Variants in RNF150 observed in about 807,000 individuals in gnomAD.
RNF150 encodes ring finger protein 150.
In RNF150, 24 loss-of-function variants were observed where a neutral mutation model predicts 39.3. The ratio of observed to expected loss-of-function variants is 0.61; its 90% CI spans 0.44 to 0.86. RNF150 has a LOEUF of 0.86. RNF150 is among the 40% of genes least tolerant of loss of function. RNF150 has a pLI of 0.00. For synonymous variants in RNF150, 255 were observed against 227.3 expected, an observed-to-expected ratio of 1.12 and a Z score of -1.10; for missense variants, 502 against 587.8, an observed-to-expected ratio of 0.85 and a Z score of 1.51.
At chr4:141,028,273 C>T (rs1022185829) in intron 1 of RNF150, among the ~76,000 whole-genome samples, 2 of 152,100 alleles carry the variant, frequency 1.3e-5, no homozygotes, top group Non-Finnish European at 2.9e-5. Flanking sequence ...TAGTCAGAAT[C>T]CTAGGTGATT....
At chr4:141,167,986 C>T (rs1727631907) in intron 1 of RNF150, among the ~76,000 whole-genome samples, 1 of 151,974 alleles carries the variant, frequency 6.6e-6, no homozygotes, top group African/African-American at 2.4e-5. Flanking sequence ...TAAAAGAAAT[C>T]ATCATCAGAG....
At chr4:141,034,702 G>A (rs1184201932) in intron 1 of RNF150, among the ~76,000 whole-genome samples, 1 of 152,108 alleles carries the variant, frequency 6.6e-6, no homozygotes, top group Non-Finnish European at 1.5e-5. Flanking sequence ...TGGGTCTCAA[G>A]GAACAGGCAG....
At chr4:140,988,131 G>A (rs561586150) in intron 1 of RNF150, among the ~76,000 whole-genome samples, 1 of 152,242 alleles carries the variant, frequency 6.6e-6, no homozygotes, top group South Asian at 2.1e-4. Flanking sequence ...CAGAGAAAAG[G>A]GAATGCTAAT....
intron 1 of RNF150, among the ~76,000 whole-genome samples, chr4:140,997,675 A>ACTGCACTCCAGCC (rs570404786): frequency 0.17 from 11,189 of 67,270 alleles, 494 homozygotes; most frequent in Middle Eastern, 0.31. Flanking sequence ...AGATTGCGCC[A>ACTGCACTCCAGCC]CTGCACTCCA....
chr4:141,139,205 C>T (rs550941252), intron 1 of RNF150, among the ~76,000 whole-genome samples: 8 of 152,210 alleles, frequency 5.3e-5, no homozygotes, highest in South Asian at 2.1e-4. Context: ...GATGATACAG[C>T]GAGACCCTGT....
intron 1 of RNF150, among the ~76,000 whole-genome samples, chr4:141,117,684 T>G (rs1726472552): frequency 1.3e-5 from 2 of 152,208 alleles, no homozygotes; most frequent in Admixed American, 6.5e-5. Flanking sequence ...AGCTCTGGAT[T>G]AAAATCCCAG....
rs1416396549 is a variant in RNF150 at position 141,132,548 on chromosome 4, G to C, written c.261C>G (p.Arg87=). 24 of 1,595,614 alleles carry C rather than the reference G, an allele frequency of 1.5e-5. No individual in the cohort carries two copies. Among genetic ancestry groups the C allele is most frequent in the Non-Finnish European group, 2.0e-5 (23 of 1,171,988 alleles). Residue 87 remains arginine (R), a synonymous_variant, in exon 1 of 7, where the codon CGC becomes CGG. Transcript: ENST00000515673. The surrounding 1 kb of genome is among the most constrained non-coding windows in gnomAD (Gnocchi z 4.9). ...CCGAGCTGGCCATGACCACCTCCCC[G>C]CGGGCGTCCTGCTTGGGCGAGTGCT... ...YGEHSPKQDA[R]GEVVMASSAH... is the part of the protein sequence containing the mutation.
At chr4:141,050,612 C>A (rs548951684) in intron 1 of RNF150, among the ~76,000 whole-genome samples, 2 of 152,268 alleles carry the variant, frequency 1.3e-5, no homozygotes, top group African/African-American at 2.4e-5. Context: ...TCCAGCAGGG[C>A]AGTTGAATCT....
intron 5 of RNF150, among the ~76,000 whole-genome samples, chr4:140,918,792 T>C (rs1244272313): frequency 1.3e-5 from 2 of 152,092 alleles, no homozygotes; most frequent in Non-Finnish European, 2.9e-5. Flanking sequence ...CTCAATAAAA[T>C]ACTGGCAAAC....
chr4:141,101,739 C>T (rs914157484), intron 1 of RNF150, among the ~76,000 whole-genome samples: 17 of 152,174 alleles, frequency 1.1e-4, no homozygotes, highest in East Asian at 7.7e-4. Context: ...ACAGCTACAA[C>T]GTCACCAGGT....
Position 140,999,960 on chromosome 4 carries a change from G to GAAAGAAGA in RNF150, c.485-32088_485-32087insTCTTCTTT, listed in dbSNP as rs1279805127. Among the ~76,000 whole-genome samples, 5 of 34,308 alleles carry GAAAGAAGA rather than the reference G, an allele frequency of 1.5e-4. 1 individual carries two copies. 22.5% of individuals were successfully genotyped at this position (34,308 alleles called of 152,430 possible). A position where few individuals can be genotyped will look rare whatever the true frequency, so the allele number is the denominator to read the frequency against. On this transcript the variant is annotated intron_variant, in intron 1 of 6. Coordinates refer to ENST00000515673, the MANE Select transcript of RNF150 (RefSeq NM_020724.2). ...CTCAAAAAAAGAAGAAGAAGAAGAA[G>GAAAGAAGA]AAGAAGAAGAAGAAGAAAAGAAGAA...
intron 1 of RNF150, among the ~76,000 whole-genome samples, chr4:141,011,083 C>A (rs1372647052): frequency 6.6e-6 from 1 of 151,716 alleles, no homozygotes; most frequent in African/African-American, 2.4e-5. Flanking sequence ...TATTATTAAA[C>A]AAAATTTTCG....
At chr4:141,004,229 TA>T (rs11413709) in intron 1 of RNF150, among the ~76,000 whole-genome samples, 2,999 of 129,514 alleles carry the variant, frequency 0.023, 20 homozygotes, top group Middle Eastern at 0.038. Flanking sequence ...CAGATGTTAG[TA>T]AAAAAAAAAA....
In RNF150 at chr4:140,967,712, A is replaced by C. The variant is rs1733300754; in HGVS notation, c.646T>G (p.Phe216Val). The C allele has an allele frequency of 6.2e-7, 1 of 1,613,590 alleles. No individual in the cohort carries two copies. Among genetic ancestry groups the C allele is most frequent in the African/African-American group, 1.3e-5 (1 of 75,000 alleles). ...AGGGAAATGATCATCAGGACAATGA[A>C]GGAGATGGAGACAAACACAACCGAA... ...RTSVVFVSIS[F>V]IVLMIISLAW... Residue 216 changes from phenylalanine (F) to valine (V), a missense_variant, in exon 2 of 7, where the codon TTC (phenylalanine) becomes GTC (valine). Transcript: ENST00000515673.
chr4:141,054,759 T>C (rs542258218), intron 1 of RNF150, among the ~76,000 whole-genome samples: 1 of 152,274 alleles, frequency 6.6e-6, no homozygotes, highest in South Asian at 2.1e-4. Flanking sequence ...ATAAATCTAA[T>C]AAACAAGAAT....
At chr4:140,965,184 T>A (rs1733189285) in intron 2 of RNF150, among the ~76,000 whole-genome samples, 2 of 152,072 alleles carry the variant, frequency 1.3e-5, no homozygotes, top group African/African-American at 4.8e-5. Context: ...AAAACCACTA[T>A]GAGATCACAC....
At chr4:141,071,234 G>T (rs1315112879) in intron 1 of RNF150, among the ~76,000 whole-genome samples, 1 of 128,472 alleles carries the variant, frequency 7.8e-6, no homozygotes, top group East Asian at 2.6e-4. Flanking sequence ...GACTGTGGTG[G>T]GGTGGGGGGA....
At chr4:140,939,603 A>G (rs1336926488) in intron 4 of RNF150, among the ~76,000 whole-genome samples, 1 of 116,000 alleles carries the variant, frequency 8.6e-6, no homozygotes, top group African/African-American at 3.4e-5. Flanking sequence ...CCTCAAGTGG[A>G]GTTTGTGTGT....
At chr4:140,906,797 C>T (rs1019521167) in intron 6 of RNF150, among the ~76,000 whole-genome samples, 4 of 152,142 alleles carry the variant, frequency 2.6e-5, no homozygotes, top group Non-Finnish European at 5.9e-5. Flanking sequence ...TTCCCACCCT[C>T]CATGGGCCAA....
Sources: allele counts gnomAD v4.1 joint callset (sites outside exome capture counted in the v4.1 genomes callset), GRCh38; gene constraint gnomAD v4.1.1; non-coding constraint Gnocchi (gnomAD v3.1); transcripts MANE v1.5; gene names NCBI Gene and HGNC (gene_info 2026-07-23, HGNC 2026-07-21).